Variants in RANBP2 observed in about 807,000 individuals in gnomAD.
RANBP2 encodes E3 SUMO-protein ligase RanBP2.
In RANBP2, 57 loss-of-function variants were observed where a neutral mutation model predicts 303.6. The ratio of observed to expected loss-of-function variants is 0.19; its 90% confidence interval spans 0.15 to 0.23. The LOEUF (loss-of-function observed/expected upper bound fraction) is 0.23. Among genes scored for constraint, RANBP2 ranks in the 10% least tolerant of loss-of-function variants. RANBP2 has a pLI of 1.00. For missense variants in RANBP2, 3,138 were observed against 3,780.8 expected, an observed-to-expected ratio of 0.83 and a Z score of 4.46; for synonymous variants, 1,167 against 1,301.5, an observed-to-expected ratio of 0.90 and a Z score of 2.23.
the RANBP2 span, among the ~76,000 whole-genome samples, chr2:109,321,059 A>C: frequency 1.3e-5 from 2 of 152,202 alleles, no homozygotes; most frequent in African/African-American, 4.8e-5. Context: ...TAACTTATAG[A>C]CATGTAAGTA....
the RANBP2 span, among the ~76,000 whole-genome samples, chr2:109,037,966 G>A: frequency 6.6e-6 from 1 of 152,142 alleles, no homozygotes; most frequent in African/African-American, 2.4e-5. Context: ...AAATTTACAT[G>A]GAAAGGCACA....
intron 4 of RANBP2, among the ~76,000 whole-genome samples, chr2:108,733,726 A>C (rs556117122): frequency 2.6e-5 from 4 of 152,320 alleles, no homozygotes; most frequent in African/African-American, 7.2e-5. Flanking sequence ...AGTAGTGTTA[A>C]AGAACATATG....
chr2:108,928,195 G>A, the RANBP2 span, among the ~76,000 whole-genome samples: 2 of 152,266 alleles, frequency 1.3e-5, no homozygotes, highest in Admixed American at 6.5e-5. Flanking sequence ...CCCAATCAGA[G>A]CCCCAGGCAC....
the RANBP2 span, among the ~76,000 whole-genome samples, chr2:109,539,095 C>T: frequency 6.6e-6 from 1 of 151,970 alleles, no homozygotes; most frequent in South Asian, 2.1e-4. Context: ...GTCAGGAGTT[C>T]AAGACCAGCC....
chr2:109,086,670 C>A, the RANBP2 span, among the ~76,000 whole-genome samples: 1 of 152,192 alleles, frequency 6.6e-6, no homozygotes, highest in East Asian at 1.9e-4. Flanking sequence ...AAGGCCCCTG[C>A]CAGGTGACAC....
the RANBP2 span, among the ~76,000 whole-genome samples, chr2:108,841,942 T>G: frequency 6.6e-6 from 1 of 152,190 alleles, no homozygotes; most frequent in South Asian, 2.1e-4. Context: ...GGTATTACAT[T>G]TGTTTTAATT....
chr2:109,330,901 C>A, the RANBP2 span, among the ~76,000 whole-genome samples: 441 of 152,304 alleles, frequency 2.9e-3, 1 homozygote, highest in African/African-American at 0.01. Context: ...GCAAGTCACT[C>A]ATCTGTGTCT....
the RANBP2 span, among the ~76,000 whole-genome samples, chr2:109,466,739 G>A: frequency 1.3e-5 from 2 of 152,148 alleles, no homozygotes; most frequent in Non-Finnish European, 2.9e-5. Flanking sequence ...TTCATTCTGA[G>A]TGTGTGCATT....
the RANBP2 span, among the ~76,000 whole-genome samples, chr2:109,533,524 A>C: frequency 6.6e-6 from 1 of 152,192 alleles, no homozygotes; most frequent in South Asian, 2.1e-4. Flanking sequence ...CCTGAGGAGG[A>C]GGCTGCGGAT....
chr2:108,860,856 GA>G, the RANBP2 span, among the ~76,000 whole-genome samples: 1 of 146,302 alleles, frequency 6.8e-6, no homozygotes. Flanking sequence ...CGATATTTTG[GA>G]ATAGTTTCAA....
At chr2:108,734,381 ATTTTG>A (rs978378952) in intron 4 of RANBP2, among the ~76,000 whole-genome samples, 2 of 152,104 alleles carry the variant, frequency 1.3e-5, no homozygotes, top group African/African-American at 2.4e-5. Flanking sequence ...CTAAAATGGT[ATTTTG>A]TTTTAGGCAG....
chr2:109,198,861 A>G, the RANBP2 span, among the ~76,000 whole-genome samples: 3 of 152,210 alleles, frequency 2.0e-5, no homozygotes, highest in African/African-American at 7.2e-5. Flanking sequence ...GGATGTGACT[A>G]TACTGAACAC....
intron 19 of RANBP2, among the ~76,000 whole-genome samples, chr2:108,762,829 T>TCATC (rs1558917107): frequency 1.5e-5 from 2 of 137,720 alleles, no homozygotes; most frequent in Admixed American, 7.2e-5. Context: ...TCATCATCAT[T>TCATC]AACATCATTT....
At chr2:108,761,424 C>G (rs927391995) in intron 18 of RANBP2, among the ~76,000 whole-genome samples, 5 of 152,124 alleles carry the variant, frequency 3.3e-5, no homozygotes, top group Admixed American at 6.6e-5. Context: ...TCTGGTAAAA[C>G]TATCATAAAA....
At chr2:109,047,315 G>T in the RANBP2 span, among the ~76,000 whole-genome samples, 1 of 152,166 alleles carries the variant, frequency 6.6e-6, no homozygotes, top group Admixed American at 6.5e-5. Context: ...AGGTCACAGG[G>T]GACTTTTGTT....
the RANBP2 span, among the ~76,000 whole-genome samples, chr2:109,309,865 G>C: frequency 8.8e-6 from 1 of 114,032 alleles, no homozygotes; most frequent in African/African-American, 4.7e-5. Context: ...CCTACAAAGA[G>C]ACTTAGACTC....
At chr2:108,909,333 T>A in the RANBP2 span, among the ~76,000 whole-genome samples, 1 of 151,684 alleles carries the variant, frequency 6.6e-6, no homozygotes, top group Non-Finnish European at 1.5e-5. Context: ...TATTTAAGAG[T>A]TCCATGCAGG....
At chr2:109,626,209 G>A in the RANBP2 span, among the ~76,000 whole-genome samples, 2 of 150,416 alleles carry the variant, frequency 1.3e-5, no homozygotes, top group African/African-American at 2.5e-5. Flanking sequence ...GCCAGGCGCA[G>A]TGGCTCACAC....
chr2:109,375,463 C>T, the RANBP2 span, among the ~76,000 whole-genome samples: 2 of 152,206 alleles, frequency 1.3e-5, no homozygotes, highest in African/African-American at 4.8e-5. Flanking sequence ...TGGGCCTGGC[C>T]TCTCACCCTC....
Sources: gnomAD v4.1 joint callset for allele counts (sites outside exome capture counted in the v4.1 genomes callset) on GRCh38, gnomAD v4.1.1 for gene constraint, MANE v1.5 for transcripts, NCBI Gene and HGNC (gene_info 2026-07-23, HGNC 2026-07-21) for gene names.